ACSL3: variants seen among roughly 807,000 people sequenced by gnomAD.
ACSL3 encodes the protein acyl-CoA synthetase long chain family member 3.
Under a neutral mutation model 84.7 loss-of-function variants are expected in ACSL3, and 34 were observed. That is an observed-to-expected ratio of 0.40 (90% confidence interval 0.31 to 0.53). The LOEUF (loss-of-function observed/expected upper bound fraction) is 0.53. Ranked by LOEUF, ACSL3 falls within the 20% of genes least tolerant of loss-of-function variation. The pLI is 0.48. For synonymous variants in ACSL3, 315 were observed against 299.4 expected, an observed-to-expected ratio of 1.05 and a Z score of -0.54; for missense variants, 680 against 873.1, an observed-to-expected ratio of 0.78 and a Z score of 2.79.
Position 222,927,048 on chromosome 2 carries a change from G to A in ACSL3, c.1324G>A (p.Gly442Arg). The A allele has an allele frequency of 6.2e-7, 1 of 1,613,428 alleles. No homozygotes were observed. Among genetic ancestry groups the A allele is most frequent in the Non-Finnish European group, 8.5e-7 (1 of 1,179,494 alleles). Reference protein sequence around the residue: ...FVFRKVRSLLGGNIRLLLCGG... With the variant: ...FVFRKVRSLLRGNIRLLLCGG... ...TTTCCGGAAAGTTCGAAGCTTGCTA[G>A]GGGGAAATATTCGTCTCCTGTTGTG... The change falls in exon 12 of 17, where the codon GGG becomes AGG. Residue 442 changes from glycine (G) to arginine (R), a missense_variant. Physicochemically the swap from Gly to Arg is moderately radical, Grantham distance 125. Coordinates refer to ENST00000357430, the MANE Select transcript of ACSL3 (RefSeq NM_004457.5).
At chr2:222,904,224 T>A (rs942124083) in intron 3 of ACSL3, among the ~76,000 whole-genome samples, 2 of 151,778 alleles carry the variant, frequency 1.3e-5, no homozygotes, top group Admixed American at 1.3e-4. Flanking sequence ...TGAGCCGAGA[T>A]CGCACCATTG....
intron 1 of ACSL3, among the ~76,000 whole-genome samples, chr2:222,876,642 ATT>A (rs1166550499): frequency 6.6e-6 from 1 of 151,888 alleles, no homozygotes; most frequent in Non-Finnish European, 1.5e-5. Context: ...ACTTTAAAAT[ATT>A]TTCTTTATGC....
intron 15 of ACSL3, 152 bp downstream of exon 15, chr2:222,933,432 C>G: frequency 3.6e-6 from 2 of 550,100 alleles, no homozygotes; most frequent in East Asian, 6.1e-5. Flanking sequence ...CAGCCATTAG[C>G]TGACTCTTTT....
chr2:222,870,584 CAG>C (rs1281453411), intron 1 of ACSL3, among the ~76,000 whole-genome samples: 1 of 152,180 alleles, frequency 6.6e-6, no homozygotes, highest in Non-Finnish European at 1.5e-5. Context: ...GTTTGGGTAT[CAG>C]AGAATGCCTA....
intron 15 of ACSL3, chr2:222,933,834 A>G (rs188326314): frequency 6.6e-6 from 1 of 152,268 alleles, no homozygotes; most frequent in Non-Finnish European, 1.5e-5. Flanking sequence ...AAAATCTGTT[A>G]TCAGGAAAAC....
intron 4 of ACSL3, among the ~76,000 whole-genome samples, chr2:222,914,438 CT>C (rs932916347): frequency 6.6e-5 from 10 of 151,944 alleles, no homozygotes; most frequent in African/African-American, 2.4e-4. Context: ...AATTTTTACA[CT>C]TTTTTAGACA....
chr2:222,886,248 C>T (rs1695719580), intron 1 of ACSL3, among the ~76,000 whole-genome samples: 1 of 152,002 alleles, frequency 6.6e-6, no homozygotes, highest in Non-Finnish European at 1.5e-5. Context: ...ACCTACAGGC[C>T]CAAGTGTATG....
At chr2:222,926,333 G>C (rs1336412808) in intron 11 of ACSL3, among the ~76,000 whole-genome samples, 1 of 152,136 alleles carries the variant, frequency 6.6e-6, no homozygotes, top group African/African-American at 2.4e-5. Context: ...AACTGTAAAA[G>C]CTGATTTGAA....
intron 4 of ACSL3, among the ~76,000 whole-genome samples, chr2:222,915,529 A>C (rs746672867): frequency 6.6e-6 from 1 of 152,242 alleles, no homozygotes; most frequent in Non-Finnish European, 1.5e-5. Context: ...CTTTTTATAC[A>C]GTCCGTATGT....
intron 4 of ACSL3, among the ~76,000 whole-genome samples, chr2:222,912,310 T>C (rs1258570945): frequency 6.6e-6 from 1 of 152,214 alleles, no homozygotes; most frequent in Non-Finnish European, 1.5e-5. Flanking sequence ...GCTAGGCCTT[T>C]TTCGTTTTCC....
chr2:222,928,947 A>G lies in ACSL3; in HGVS notation c.1540+11A>G, dbSNP rs1209765421. ...AAAACTGGGAGGAAGGTAATAAACT[A>G]TTTTAACCACAGAGCATTAATTTTT... On this transcript the variant is annotated intron_variant, in intron 13 of 16. Coordinates refer to ENST00000357430, the MANE Select transcript of ACSL3 (RefSeq NM_004457.5). 2 of 1,604,192 alleles carry G rather than the reference A, an allele frequency of 1.2e-6. No individual in the cohort carries two copies. The highest frequency in any genetic ancestry group is 1.7e-5 in the Admixed American group (1 of 59,508).
At chr2:222,907,772 AAG>A (rs1696331038) in intron 3 of ACSL3, among the ~76,000 whole-genome samples, 1 of 151,108 alleles carries the variant, frequency 6.6e-6, no homozygotes, top group Non-Finnish European at 1.5e-5. Flanking sequence ...AAAAAAAAAA[AAG>A]GTATTATTAC....
intron 1 of ACSL3, among the ~76,000 whole-genome samples, chr2:222,863,853 C>A (rs151022221): frequency 6.6e-6 from 1 of 152,156 alleles, no homozygotes; most frequent in East Asian, 1.9e-4. Context: ...TACTTAATGG[C>A]CATCTGCATG....
chr2:222,916,696 G>T, intron 5 of ACSL3, 200 bp downstream of exon 5: 1 of 501,316 alleles, frequency 2.0e-6, no homozygotes, highest in Admixed American at 3.8e-5. Flanking sequence ...CAGTGTTGCA[G>T]TGAGGCTTGA....
chr2:222,902,614 AT>A (rs1696180803), intron 3 of ACSL3, among the ~76,000 whole-genome samples: 2 of 152,208 alleles, frequency 1.3e-5, no homozygotes, highest in Non-Finnish European at 2.9e-5. Context: ...TTCTTGTCTC[AT>A]GACCAGAAAA....
intron 7 of ACSL3, chr2:222,920,906 T>G (rs1435576034): frequency 2.2e-6 from 1 of 462,936 alleles, no homozygotes; most frequent in Admixed American, 2.5e-5. Flanking sequence ...TTCCTTCTAA[T>G]TAGAACACTC....
chr2:222,878,675 A>G (rs1017032311), intron 1 of ACSL3, among the ~76,000 whole-genome samples: 3 of 152,172 alleles, frequency 2.0e-5, no homozygotes, highest in Non-Finnish European at 2.9e-5. Context: ...ATTTCTAACA[A>G]TATAGTGAAT....
rs1435648185 is a variant in ACSL3 at position 222,942,548 on chromosome 2, A to G, written c.*894A>G. On this transcript the variant is annotated 3_prime_UTR_variant, in exon 17 of 17. Transcript: ENST00000357430. ...ATTCTTTGAATATTTCGTTGACTAT[A>G]TGTACATTGAGTTATCTATATTTGT... 2 of 194,458 alleles carry G rather than the reference A, an allele frequency of 1.0e-5. No homozygotes were observed. Among genetic ancestry groups the G allele is most frequent in the East Asian group, 8.2e-5 (1 of 12,156 alleles). The allele number at this position is 194,458 out of a possible 1,614,324, so 12.0% of individuals were successfully genotyped here.
In ACSL3 at chr2:222,921,362, A is replaced by C; in HGVS notation, c.888A>C (p.Gly296=). The change falls in exon 8 of 17, where the codon GGA becomes GGC. Residue 296 remains glycine, a synonymous_variant. Transcript: ENST00000357430. ...GTGGATCCACAGGACTTCCAAAGGG[A>C]GTCATGATCTCACATAGTAACATTA... ...YTSGSTGLPK[G]VMISHSNIIA... The C allele has an allele frequency of 6.2e-7, 1 of 1,604,474 alleles. No homozygotes were observed. Among genetic ancestry groups the C allele is most frequent in the Non-Finnish European group, 8.5e-7 (1 of 1,171,890 alleles).
Sources: allele counts gnomAD v4.1 joint callset (sites outside exome capture counted in the v4.1 genomes callset), GRCh38; gene constraint gnomAD v4.1.1; transcripts MANE v1.5; gene names NCBI Gene and HGNC (gene_info 2026-07-23, HGNC 2026-07-21).